KDM4C: variants seen among roughly 807,000 people sequenced by gnomAD.
KDM4C encodes lysine demethylase 4C.
In KDM4C, 81 loss-of-function variants were observed where a neutral mutation model predicts 129.3. The ratio of observed to expected loss-of-function variants is 0.63; its 90% CI spans 0.52 to 0.75. The LOEUF (loss-of-function observed/expected upper bound fraction) is 0.75. KDM4C is among the 30% of genes least tolerant of loss of function. The pLI is 0.00. For missense variants in KDM4C, 1,457 were observed against 1,304.0 expected (o/e 1.12, Z -1.81); for synonymous variants, 573 against 456.1 (o/e 1.26, Z -3.26).
intron 19 of KDM4C, among the ~76,000 whole-genome samples, chr9:7,138,379 A>G (rs2129797114): frequency 6.6e-6 from 1 of 152,374 alleles, no homozygotes; most frequent in African/African-American, 2.4e-5. Context: ...ATACCATTAT[A>G]GAATTTTATA....
At chr9:6,926,887 T>C (rs1822673539) in intron 8 of KDM4C, among the ~76,000 whole-genome samples, 1 of 152,224 alleles carries the variant, frequency 6.6e-6, no homozygotes, top group Non-Finnish European at 1.5e-5. Flanking sequence ...TGTTGCTTAT[T>C]TTCTTATTCA....
At chr9:6,847,798 T>G (rs1838122418) in intron 4 of KDM4C, among the ~76,000 whole-genome samples, 1 of 152,234 alleles carries the variant, frequency 6.6e-6, no homozygotes, top group South Asian at 2.1e-4. Flanking sequence ...GGAATTAAAT[T>G]ATGTCCTTTG....
chr9:6,967,291 G>A (rs1831157302), intron 8 of KDM4C, among the ~76,000 whole-genome samples: 1 of 152,038 alleles, frequency 6.6e-6, no homozygotes, highest in African/African-American at 2.4e-5. Context: ...GGGCTTGGTG[G>A]CAGGCGCCTG....
At chr9:6,996,374 T>C (rs1011209666) in intron 12 of KDM4C, among the ~76,000 whole-genome samples, 1 of 152,246 alleles carries the variant, frequency 6.6e-6, no homozygotes, top group Non-Finnish European at 1.5e-5. Context: ...GTGCATTGTT[T>C]GTTCTTTGAA....
At chr9:6,891,383 A>G (rs10975875) in intron 7 of KDM4C, among the ~76,000 whole-genome samples, 57,345 of 152,072 alleles carry the variant, frequency 0.38, 11,762 homozygotes, top group Middle Eastern at 0.56. Flanking sequence ...TGAAAAGTTT[A>G]TGCTAAGTGG....
At chr9:6,967,649 G>A (rs894591542) in intron 8 of KDM4C, among the ~76,000 whole-genome samples, 3 of 152,114 alleles carry the variant, frequency 2.0e-5, no homozygotes, top group Non-Finnish European at 2.9e-5. Flanking sequence ...ACCTGCACCT[G>A]TATGCCTTCT....
At chr9:6,917,404 C>T (rs545510374) in intron 8 of KDM4C, among the ~76,000 whole-genome samples, 1 of 152,302 alleles carries the variant, frequency 6.6e-6, no homozygotes, top group Admixed American at 6.5e-5. Flanking sequence ...TCTTACTTCC[C>T]CCTTTCACTG....
chr9:7,031,320 G>A (rs1826716725), intron 15 of KDM4C, among the ~76,000 whole-genome samples: 1 of 151,802 alleles, frequency 6.6e-6, no homozygotes, highest in Non-Finnish European at 1.5e-5. Context: ...ACACCCCCAT[G>A]CCCAGGTTTT....
intron 3 of KDM4C, among the ~76,000 whole-genome samples, chr9:6,808,187 G>A (rs1588421506): frequency 1.5e-5 from 1 of 68,816 alleles, no homozygotes; most frequent in Non-Finnish European, 2.7e-5. Flanking sequence ...CCCCGTCTGG[G>A]AGGTGTGCCC....
chr9:6,776,152 G>A (rs72699647), intron 1 of KDM4C, among the ~76,000 whole-genome samples: 14,669 of 152,224 alleles, frequency 0.096, 829 homozygotes, highest in Non-Finnish European at 0.11. Flanking sequence ...TGGTGCGATC[G>A]TAGCTCACTG....
chr9:7,072,825 T>G (rs527947621), intron 17 of KDM4C, among the ~76,000 whole-genome samples: 2 of 152,348 alleles, frequency 1.3e-5, no homozygotes, highest in East Asian at 3.9e-4. Flanking sequence ...TCATTTACAT[T>G]TGATGTACAA....
chr9:6,853,732 A>G (rs1839268604), intron 5 of KDM4C, among the ~76,000 whole-genome samples: 1 of 152,178 alleles, frequency 6.6e-6, no homozygotes, highest in Non-Finnish European at 1.5e-5. Context: ...AAGCAGATAG[A>G]AAACTGCTTT....
chr9:6,881,153 C>T (rs1844387652), intron 6 of KDM4C, among the ~76,000 whole-genome samples: 1 of 152,166 alleles, frequency 6.6e-6, no homozygotes, highest in African/African-American at 2.4e-5. Flanking sequence ...TGAGAAACCT[C>T]ATTGCTTGAC....
chr9:6,762,542 C>A (rs554939110), intron 1 of KDM4C, among the ~76,000 whole-genome samples: 1 of 151,208 alleles, frequency 6.6e-6, no homozygotes, highest in Admixed American at 6.6e-5. Flanking sequence ...TCTTTTTTAT[C>A]GCTACAAATG....
intron 4 of KDM4C, chr9:6,815,193 T>G (rs1200218337): frequency 2.0e-5 from 3 of 151,950 alleles, no homozygotes; most frequent in Non-Finnish European, 4.4e-5. Flanking sequence ...TTGTAATATA[T>G]ATATATATTT....
At chr9:7,004,353 CTT>C (rs1261427109) in intron 12 of KDM4C, among the ~76,000 whole-genome samples, 1 of 152,162 alleles carries the variant, frequency 6.6e-6, no homozygotes, top group African/African-American at 2.4e-5. Context: ...TTTTAAAAAA[CTT>C]TTAAGATGAC....
chr9:6,822,693 C>T lies in KDM4C; in HGVS notation c.435+7948C>T, dbSNP rs1299165193. Among the ~76,000 whole-genome samples, 4 of 152,200 alleles carry T rather than the reference C, an allele frequency of 2.6e-5. No homozygotes were observed. In the East Asian group the frequency reaches 5.8e-4, roughly 22 times the overall value. On this transcript the variant is annotated intron_variant, in intron 4 of 21. Coordinates refer to ENST00000381309, the MANE Select transcript of KDM4C (RefSeq NM_015061.6). ...TTAAAATACTCAGCCTTCTGTTAGA[C>T]GCAGCACAGGAGTTTCTTCGGGAAA... is the stretch of plus-strand genomic sequence containing the variant.
chr9:7,104,359 G>A (rs1837441376), intron 18 of KDM4C: 1 of 153,112 alleles, frequency 6.5e-6, no homozygotes, highest in Non-Finnish European at 1.5e-5. Flanking sequence ...GAAGAGGTAG[G>A]ATGGCCAGGA....
intron 12 of KDM4C, among the ~76,000 whole-genome samples, chr9:7,003,432 G>GTT (rs76432143): frequency 3.1e-5 from 4 of 130,618 alleles, no homozygotes; most frequent in African/African-American, 8.4e-5. Flanking sequence ...TATCATGGGT[G>GTT]TTTTTTTTTT....
Sources: allele counts gnomAD v4.1 joint callset (sites outside exome capture counted in the v4.1 genomes callset), GRCh38; gene constraint gnomAD v4.1.1; transcripts MANE v1.5; gene names NCBI Gene and HGNC (gene_info 2026-07-23, HGNC 2026-07-21).